MAPRE3: variants seen among roughly 807,000 people sequenced by gnomAD.
MAPRE3 encodes the protein microtubule associated protein RP/EB family member 3.
In MAPRE3, 2 loss-of-function variants were observed where a neutral mutation model predicts 30.5. That is an observed-to-expected ratio of 0.07 (90% CI 0.03 to 0.21). The LOEUF (loss-of-function observed/expected upper bound fraction) is 0.21. MAPRE3 is among the 10% of genes least tolerant of loss of function. The probability of loss-of-function intolerance (pLI) is 1.00; values close to 1 mark genes in which losing one functional copy is unlikely to be tolerated. For missense variants in MAPRE3, 204 were observed against 351.8 expected (o/e 0.58, Z 3.36); for synonymous variants, 110 against 127.7 (o/e 0.86, Z 0.93).
intron 1 of MAPRE3, chr2:26,996,890 G>T (rs1191605623): frequency 1.3e-5 from 2 of 152,172 alleles, no homozygotes; most frequent in Non-Finnish European, 2.9e-5. Context: ...AAAGTATCTA[G>T]TGAAGAAACG....
At chr2:26,970,841 G>A (rs1427089009) in intron 1 of MAPRE3, 39 bp downstream of exon 1, 1 of 151,918 alleles carries the variant, frequency 6.6e-6, no homozygotes, top group East Asian at 2.0e-4. Flanking sequence ...GTGGGGCTGA[G>A]TCAGCGGGAG....
rs116585517 is a variant in MAPRE3 at position 27,007,416 on chromosome 2, T to C, written c.-7-14796T>C. The stretch of plus-strand genomic sequence containing the variant: ...TGTGTCTTAGAAGTAATTGGGAAAG[T>C]TTTGAATGGCCTGTGGTCTGTCAGA... On this transcript the variant is annotated intron_variant, in intron 1 of 6. Coordinates refer to ENST00000233121, the MANE Select transcript of MAPRE3 (RefSeq NM_012326.4). Among the ~76,000 whole-genome samples, 1,389 of 152,348 alleles carry C rather than the reference T, an allele frequency of 9.1e-3. 11 individuals carry two copies. The highest frequency in any genetic ancestry group is 0.031 in the African/African-American group (1,273 of 41,572).
At chr2:26,972,617 G>C (rs187898533) in intron 1 of MAPRE3, among the ~76,000 whole-genome samples, 1 of 152,296 alleles carries the variant, frequency 6.6e-6, no homozygotes, top group African/African-American at 2.4e-5. Flanking sequence ...CAAAATACCC[G>C]AGCAGGGCAG....
intron 1 of MAPRE3, among the ~76,000 whole-genome samples, chr2:27,018,007 C>T (rs1667025633): frequency 6.6e-6 from 1 of 152,136 alleles, no homozygotes; most frequent in African/African-American, 2.4e-5. Context: ...AGGAAAGCTG[C>T]CCCCAGGCTG....
intron 4 of MAPRE3, among the ~76,000 whole-genome samples, chr2:27,025,324 G>C (rs1242120078): frequency 6.6e-6 from 1 of 152,156 alleles, no homozygotes; most frequent in African/African-American, 2.4e-5. Flanking sequence ...CTCTCTCCCT[G>C]CCCCAACACC....
At chr2:27,023,509 A>G (rs748740764) in intron 3 of MAPRE3, 32 bp downstream of exon 3, 1 of 1,612,372 alleles carries the variant, frequency 6.2e-7, no homozygotes. Flanking sequence ...GGCCCTGAGG[A>G]GCAGTGTGAC....
chr2:27,007,739 A>G (rs1037035267), intron 1 of MAPRE3, among the ~76,000 whole-genome samples: 1 of 152,240 alleles, frequency 6.6e-6, no homozygotes, highest in Non-Finnish European at 1.5e-5. Flanking sequence ...TAATGTTCCC[A>G]GGAGAAGGCA....
At chr2:26,978,948 G>A (rs777059901) in intron 1 of MAPRE3, among the ~76,000 whole-genome samples, 2 of 152,226 alleles carry the variant, frequency 1.3e-5, no homozygotes, top group Non-Finnish European at 2.9e-5. Context: ...AAGACACAGT[G>A]TCAGCCCTTA....
At chr2:27,012,425 G>C (rs1437500845) in intron 1 of MAPRE3, 1 of 152,214 alleles carries the variant, frequency 6.6e-6, no homozygotes, top group African/African-American at 2.4e-5. Flanking sequence ...CTTGAACTTG[G>C]AAAAGTCACT....
At chr2:26,981,077 G>A (rs140172269) in intron 1 of MAPRE3, among the ~76,000 whole-genome samples, 1 of 152,254 alleles carries the variant, frequency 6.6e-6, no homozygotes, top group Non-Finnish European at 1.5e-5. Flanking sequence ...GGGGGAGGGA[G>A]AGGGTTGGTG....
intron 1 of MAPRE3, among the ~76,000 whole-genome samples, chr2:26,991,019 C>T (rs761006845): frequency 6.6e-5 from 10 of 152,124 alleles, no homozygotes; most frequent in Admixed American, 3.9e-4. Flanking sequence ...TTTGGGAGGC[C>T]GAGGCGGGCG....
intron 1 of MAPRE3, chr2:27,002,867 C>T: frequency 6.6e-6 from 1 of 152,366 alleles, no homozygotes; most frequent in Non-Finnish European, 1.5e-5. Context: ...GATTGAGATG[C>T]ACCTGGGAAC....
chr2:26,973,933 T>C (rs1665966408), intron 1 of MAPRE3, among the ~76,000 whole-genome samples: 1 of 152,244 alleles, frequency 6.6e-6, no homozygotes, highest in African/African-American at 2.4e-5. Context: ...CCAAGGCACA[T>C]GTCTCCCTCG....
chr2:26,995,773 T>C (rs181484699), intron 1 of MAPRE3, among the ~76,000 whole-genome samples: 1 of 67,862 alleles, frequency 1.5e-5, no homozygotes, highest in Admixed American at 1.6e-4. Flanking sequence ...AGGGTCTTTC[T>C]AAGAGAGGTG....
At position 26,976,056 on chromosome 2, in the gene MAPRE3, T is replaced by A. The variant is rs533649871; in HGVS notation, c.-8+5254T>A. Among the ~76,000 whole-genome samples the A allele has an allele frequency of 2.6e-5, 4 of 152,324 alleles. No individual in the cohort carries two copies. The South Asian group carries it at 8.3e-4, about 32-fold the overall frequency. On this transcript the variant is annotated intron_variant, in intron 1 of 6. Transcript: ENST00000233121. ...GCTATTGATGAAAATGGCATCTGAC[T>A]ATATGACCTTCATGAAAAATTCCTG...
chr2:26,976,743 G>T lies in MAPRE3; in HGVS notation c.-8+5941G>T, dbSNP rs141448001. Reference sequence around the variant, plus strand: ...CCCTGAAACTATTTCCTAGATATAGGAGATACATACCACTTGTGTGATACA... The same window carrying T: ...CCCTGAAACTATTTCCTAGATATAGTAGATACATACCACTTGTGTGATACA... On this transcript the variant is annotated intron_variant, in intron 1 of 6. Coordinates refer to ENST00000233121, the MANE Select transcript of MAPRE3 (RefSeq NM_012326.4). 6.4e-4 allele frequency among the ~76,000 whole-genome samples: 97 copies of T among 152,254 alleles called. 1 individual carries two copies. The highest frequency in any genetic ancestry group is 2.2e-3 in the African/African-American group (91 of 41,532).
chr2:27,023,274 A>G, intron 2 of MAPRE3, 58 bp from the exon 3 acceptor site: 3 of 1,540,320 alleles, frequency 1.9e-6, no homozygotes, highest in Non-Finnish European at 2.6e-6. Flanking sequence ...GAAGTGAGAG[A>G]GAGCAGCTCA....
chr2:27,011,830 AG>A (rs1313637332), intron 1 of MAPRE3: 1 of 128,504 alleles, frequency 7.8e-6, no homozygotes, highest in Non-Finnish European at 1.6e-5. Flanking sequence ...TGGGCAACAA[AG>A]CGAGACTCCA....
intron 1 of MAPRE3, chr2:26,984,659 A>G (rs539444347): frequency 1.1e-4 from 16 of 152,278 alleles, no homozygotes; most frequent in African/African-American, 3.9e-4. Flanking sequence ...CCCTCTTCCC[A>G]CCAGATTACC....
Sources: gnomAD v4.1 joint callset for allele counts (sites outside exome capture counted in the v4.1 genomes callset) on GRCh38, gnomAD v4.1.1 for gene constraint, MANE v1.5 for transcripts, NCBI Gene and HGNC (gene_info 2026-07-23, HGNC 2026-07-21) for gene names.